The following SH3BGRL variants were observed in gnomAD, a reference collection of about 807,000 sequenced individuals.
SH3BGRL encodes adapter SH3BGRL.
A neutral mutation model predicts 9.8 loss-of-function variants in SH3BGRL; 7 were observed. The ratio of observed to expected loss-of-function variants is 0.72; its 90% CI spans 0.41 to 1.35. SH3BGRL has a LOEUF of 1.35. Ranked by LOEUF, SH3BGRL falls within the 40% of genes most tolerant of loss-of-function variation. The pLI is 0.01. For missense variants in SH3BGRL, 73 were observed against 84.4 expected (o/e 0.86, Z 0.53); for synonymous variants, 36 against 29.1 (o/e 1.24, Z -0.76).
At chrX:81,284,677 A>C (rs1392220788) in intron 3 of SH3BGRL, among the ~76,000 whole-genome samples, 2 of 111,237 alleles carry the variant, frequency 1.8e-5, no homozygotes, top group Non-Finnish European at 3.8e-5. Context: ...CAGATTTGAA[A>C]GTATAAGGCA....
rs189369745 is a variant in SH3BGRL, at chrX:81,231,975, C to A, written c.45+29730C>A. On this transcript the variant is annotated intron_variant, in intron 1 of 3. Transcript: ENST00000373212. ...GTGTTTCTCTCTATATATATACACA[C>A]ACACGTATATGTATATGTTTGTACA... is the stretch of plus-strand genomic sequence containing the variant. 6.3e-5 allele frequency among the ~76,000 whole-genome samples: 7 copies of A among 111,317 alleles called. No homozygotes were observed. The East Asian group carries it at 2.0e-3, about 31-fold the overall frequency.
At chrX:81,251,039 C>A (rs1366452931) in intron 1 of SH3BGRL, among the ~76,000 whole-genome samples, 4 of 112,044 alleles carry the variant, frequency 3.6e-5, no homozygotes, top group Non-Finnish European at 5.6e-5. Flanking sequence ...ATGAAGACTG[C>A]ATAATTAAAG....
intron 1 of SH3BGRL, among the ~76,000 whole-genome samples, chrX:81,254,805 G>C (rs2075720451): frequency 1.8e-5 from 2 of 111,704 alleles, no homozygotes; most frequent in South Asian, 7.4e-4. Context: ...CCTTGAAGAG[G>C]CATTGATGTA....
intron 1 of SH3BGRL, among the ~76,000 whole-genome samples, chrX:81,268,276 T>C (rs1038504915): frequency 1.8e-5 from 2 of 111,417 alleles, no homozygotes; most frequent in Admixed American, 9.6e-5. Flanking sequence ...TGAATTTGTT[T>C]GCTCTTTCTT....
chrX:81,259,395 G>T (rs1205253720), intron 1 of SH3BGRL, among the ~76,000 whole-genome samples: 2 of 111,796 alleles, frequency 1.8e-5, no homozygotes, highest in Non-Finnish European at 3.8e-5. Context: ...TAACTAGTCA[G>T]ATTCCCTTGA....
At chrX:81,219,892 T>G (rs2147671959) in intron 1 of SH3BGRL, among the ~76,000 whole-genome samples, 1 of 111,958 alleles carries the variant, frequency 8.9e-6, no homozygotes, top group East Asian at 2.8e-4. Context: ...GTTTTTGTCC[T>G]TCATTCCATT....
chrX:81,216,805 T>C (rs2075582568), intron 1 of SH3BGRL, among the ~76,000 whole-genome samples: 1 of 111,928 alleles, frequency 8.9e-6, no homozygotes, highest in Non-Finnish European at 1.9e-5. Context: ...AATACTCCAT[T>C]GTGTATATGT....
At chrX:81,282,575 G>A (rs906451333) in intron 3 of SH3BGRL, among the ~76,000 whole-genome samples, 1 of 111,921 alleles carries the variant, frequency 8.9e-6, no homozygotes, top group African/African-American at 3.2e-5. Context: ...GCTCCTGAAT[G>A]AGCATTGGGT....
At chrX:81,226,490 T>TTATA (rs752937645) in intron 1 of SH3BGRL, among the ~76,000 whole-genome samples, 35 of 101,356 alleles carry the variant, frequency 3.5e-4, no homozygotes, top group Middle Eastern at 5.0e-3. Flanking sequence ...TTGGATATAT[T>TTATA]TATATATATA....
chrX:81,296,766 TA>T (rs1372205533), intron 3 of SH3BGRL, among the ~76,000 whole-genome samples: 1 of 111,783 alleles, frequency 8.9e-6, no homozygotes, highest in Non-Finnish European at 1.9e-5. Context: ...TATTCTATCA[TA>T]AAACATGAAA....
chrX:81,270,769 G>C (rs749834468), intron 1 of SH3BGRL, among the ~76,000 whole-genome samples: 1 of 112,061 alleles, frequency 8.9e-6, no homozygotes, highest in East Asian at 2.8e-4. Flanking sequence ...AGAGCTGCCA[G>C]GCAGTGAACT....
chrX:81,237,242 A>G (rs1215826414), intron 1 of SH3BGRL: 1 of 345,055 alleles, frequency 2.9e-6, no homozygotes, highest in Admixed American at 3.1e-5. Flanking sequence ...AACTATCTAC[A>G]TGCACACACA....
chrX:81,218,366 T>G (rs555726613), intron 1 of SH3BGRL, among the ~76,000 whole-genome samples: 1 of 110,303 alleles, frequency 9.1e-6, no homozygotes, highest in Middle Eastern at 4.6e-3. Context: ...AAGGTTCTAT[T>G]TTGGTGTATT....
At chrX:81,227,387 G>A (rs1338857867) in intron 1 of SH3BGRL, among the ~76,000 whole-genome samples, 2 of 111,685 alleles carry the variant, frequency 1.8e-5, no homozygotes, top group African/African-American at 6.5e-5. Context: ...CAAACAAAAT[G>A]TTCTGTTCTG....
chrX:81,297,084 G>C lies in SH3BGRL; in HGVS notation c.313-111G>C, dbSNP rs1408855312. 7.7e-6 allele frequency: 4 copies of C among 518,377 alleles called. No individual in the cohort carries two copies. The African/African-American group carries it at 9.5e-5, about 12-fold the overall frequency. The allele number at this position is 518,377 out of a possible 1,213,427, so 42.7% of individuals were successfully genotyped here. A position where few individuals can be genotyped will look rare whatever the true frequency, so the allele number is the denominator to read the frequency against. On this transcript the variant is annotated intron_variant, in intron 3 of 3. Coordinates refer to ENST00000373212, the MANE Select transcript of SH3BGRL (RefSeq NM_003022.3). ...GAACTTTTTAAGAAATCTCTTCTGG[G>C]GGCTTTTGTTTATTCTTAGTAGTTG...
chrX:81,286,551 T>C (rs1183944916), intron 3 of SH3BGRL, among the ~76,000 whole-genome samples: 1 of 99,225 alleles, frequency 1.0e-5, no homozygotes, highest in African/African-American at 3.8e-5. Flanking sequence ...GAAAGAAGGA[T>C]GGATGCCTAT....
At chrX:81,287,956 GGAAAGAAA>G (rs368182440) in intron 3 of SH3BGRL, among the ~76,000 whole-genome samples, 17 of 86,759 alleles carry the variant, frequency 2.0e-4, no homozygotes, top group South Asian at 5.3e-4. Flanking sequence ...AAGGAAGGAA[GGAAAGAAA>G]GAAAGAAAGA....
At chrX:81,223,466 C>G (rs974717775) in intron 1 of SH3BGRL, among the ~76,000 whole-genome samples, 5 of 111,045 alleles carry the variant, frequency 4.5e-5, no homozygotes, top group Non-Finnish European at 9.4e-5. Flanking sequence ...ATAAAATACT[C>G]AACTCTGTAG....
intron 1 of SH3BGRL, among the ~76,000 whole-genome samples, chrX:81,233,740 G>A (rs906947881): frequency 9.2e-6 from 1 of 108,702 alleles, no homozygotes; most frequent in Admixed American, 9.8e-5. Context: ...AGAAAACTGA[G>A]CCTCAGAGCA....
Sources: allele counts gnomAD v4.1 joint callset (sites outside exome capture counted in the v4.1 genomes callset), GRCh38; gene constraint gnomAD v4.1.1; transcripts MANE v1.5; gene names NCBI Gene and HGNC (gene_info 2026-07-23, HGNC 2026-07-21).